Variants in ZNF717 observed in about 807,000 individuals in gnomAD.
ZNF717 encodes krueppel-like factor X17.
ZNF717 carries 9 observed loss-of-function variants against 13.8 expected under a neutral mutation model. The observed-to-expected ratio is 0.65, with a 90% confidence interval of 0.39 to 1.14. The LOEUF is 1.14. Among genes scored for constraint, ZNF717 ranks in the 50% most tolerant of loss-of-function variants. ZNF717 has a pLI of 0.01. For synonymous variants in ZNF717, 327 were observed against 364.1 expected, an observed-to-expected ratio of 0.90 and a Z score of 1.16; for missense variants, 1,040 against 1,080.7, an observed-to-expected ratio of 0.96 and a Z score of 0.53.
intron 2 of ZNF717, among the ~76,000 whole-genome samples, chr3:75,767,901 G>A (rs1186005377): frequency 3.3e-5 from 5 of 149,694 alleles, no homozygotes; most frequent in Non-Finnish European, 7.4e-5. Flanking sequence ...GAAAACAAAA[G>A]GAAAAAAAAT....
At chr3:75,750,414 C>A (rs3009053) in intron 2 of ZNF717, among the ~76,000 whole-genome samples, 110,498 of 148,542 alleles carry the variant, frequency 0.74, 41,181 homozygotes, top group East Asian at 0.81. Context: ...TTTGCCCTCA[C>A]ACAGGATTCC....
rs1282904928 is a variant in ZNF717 at position 75,742,460 on chromosome 3, TAAGAG to T, written c.58-729_58-725del. ...GACACAAGTTCAATGCAGACTAAGATAAGAGAAGGAGAAAATAAGTTTTGTTTATT... is the reference window on the plus strand; with the variant it reads ...GACACAAGTTCAATGCAGACTAAGATAAGGAGAAAATAAGTTTTGTTTATT... On this transcript the variant is annotated intron_variant, in intron 2 of 4. Coordinates refer to ENST00000652011, the MANE Select transcript of ZNF717 (RefSeq NM_001290208.3). 2.7e-3 allele frequency among the ~76,000 whole-genome samples: 413 copies of T among 152,282 alleles called. 8 individuals are homozygous for T. In the East Asian group the frequency reaches 0.07, roughly 26 times the overall value.
intron 4 of ZNF717, among the ~76,000 whole-genome samples, chr3:75,719,970 A>AATAAAT (rs748007104): frequency 1.4e-4 from 20 of 146,136 alleles, no homozygotes; most frequent in South Asian, 6.4e-4. Flanking sequence ...AAATAATAAT[A>AATAAAT]AATAATAATA....
rs1210226423 is a variant in ZNF717 at position 75,730,533 on chromosome 3, T to C, written c.*80A>G. 2.1e-3 allele frequency: 1,465 copies of C among 684,600 alleles called. 24 individuals carry two copies. In the East Asian group the frequency reaches 0.036, roughly 17 times the overall value. 42.4% of individuals were successfully genotyped at this position (684,600 alleles called of 1,614,324 possible). On this transcript the variant is annotated 3_prime_UTR_variant, in exon 6 of 6. Transcript: ENST00000477374. ...AAGTGATACAGACTTGGACACATCATGTTTGAAATATCTGAGGTCCCATAC... is the reference window on the plus strand; with the variant it reads ...AAGTGATACAGACTTGGACACATCACGTTTGAAATATCTGAGGTCCCATAC...
intron 2 of ZNF717, among the ~76,000 whole-genome samples, chr3:75,767,015 C>T (rs80125922): frequency 2.5e-5 from 1 of 39,498 alleles, no homozygotes; most frequent in Non-Finnish European, 9.1e-5. Context: ...GAACCAATTC[C>T]CCTGAACCTT....
At chr3:75,725,391 C>A (rs1242222756), downstream of ZNF717, among the ~76,000 whole-genome samples, 10 of 152,206 alleles carry the variant, frequency 6.6e-5, no homozygotes, top group Non-Finnish European at 1.2e-4. Flanking sequence ...CCACTTTTTC[C>A]CACATCAACC....
At chr3:75,726,711 T>C (rs1938286905), downstream of ZNF717, among the ~76,000 whole-genome samples, 1 of 152,286 alleles carries the variant, frequency 6.6e-6, no homozygotes, top group East Asian at 1.9e-4. Flanking sequence ...GAACTGATTA[T>C]GCAGTGATTC....
chr3:75,742,954 A>G (rs1464955079), intron 2 of ZNF717, among the ~76,000 whole-genome samples: 1 of 152,250 alleles, frequency 6.6e-6, no homozygotes, highest in African/African-American at 2.4e-5. Flanking sequence ...CATGTATATC[A>G]CAATAGTCCC....
intron 2 of ZNF717, among the ~76,000 whole-genome samples, chr3:75,755,523 T>C (rs780844974): frequency 1.3e-5 from 2 of 152,154 alleles, no homozygotes; most frequent in Non-Finnish European, 2.9e-5. Context: ...AGATAGATTA[T>C]GTATGCTTAT....
rs1276111922 is a variant in ZNF717, at chr3:75,723,590, G to A, written n.545-7049C>T. Among the ~76,000 whole-genome samples, 3 of 152,318 alleles carry A rather than the reference G, an allele frequency of 2.0e-5. No homozygotes were observed. The South Asian group carries it at 6.2e-4, about 32-fold the overall frequency. On this transcript the variant is annotated intron_variant and non_coding_transcript_variant, in intron 4 of 5. Transcript: ENST00000491507. ...ATCTCTGTTCTACAACTATAACCTA[G>A]GAAAAACCAGTCCATACAGAGATAG...
chr3:75,741,821 C>T (rs11710621), intron 2 of ZNF717, 85 bp from the exon 3 acceptor site: 568,219 of 1,497,442 alleles, frequency 0.38, 109,138 homozygotes, highest in Non-Finnish European at 0.42. Flanking sequence ...CCTGCCACTC[C>T]TCCCAGGTGA....
intron 2 of ZNF717, among the ~76,000 whole-genome samples, chr3:75,762,236 C>T (rs1943094943): frequency 6.6e-6 from 1 of 152,036 alleles, no homozygotes; most frequent in Admixed American, 6.5e-5. Context: ...GTCACAAGTT[C>T]AAGACTAGTC....
chr3:75,753,278 C>T (rs113012405), intron 2 of ZNF717, among the ~76,000 whole-genome samples: 1 of 85,822 alleles, frequency 1.2e-5, no homozygotes, highest in Admixed American at 1.0e-4. Flanking sequence ...ACATAACATT[C>T]CAGCACACTG....
At chr3:75,734,136 C>G (rs2106945739), downstream of ZNF717, among the ~76,000 whole-genome samples, 1 of 152,212 alleles carries the variant, frequency 6.6e-6, no homozygotes, top group East Asian at 1.9e-4. Flanking sequence ...GTGGCACATT[C>G]TCGGCTCACT....
intron 2 of ZNF717, among the ~76,000 whole-genome samples, chr3:75,760,105 T>C (rs1205209135): frequency 6.6e-6 from 1 of 152,236 alleles, no homozygotes; most frequent in Admixed American, 6.5e-5. Context: ...CTCAGCTCAC[T>C]GCAACCTCCG....
At chr3:75,782,735 T>C (rs1944904476) in intron 2 of ZNF717, among the ~76,000 whole-genome samples, 1 of 152,190 alleles carries the variant, frequency 6.6e-6, no homozygotes, top group South Asian at 2.1e-4. Flanking sequence ...CCATTTCCAC[T>C]GCACAACATG....
chr3:75,783,266 TAC>T (rs1944941024), intron 2 of ZNF717, 38 bp downstream of exon 2: 1 of 1,471,570 alleles, frequency 6.8e-7, no homozygotes, highest in Non-Finnish European at 9.3e-7. Context: ...ACTCAGAAAA[TAC>T]AGTGTAAAAC....
downstream of ZNF717, among the ~76,000 whole-genome samples, chr3:75,734,715 A>G (rs1306862515): frequency 2.8e-5 from 4 of 144,098 alleles, no homozygotes; most frequent in Non-Finnish European, 4.6e-5. Flanking sequence ...GATTACAGGC[A>G]TAAGCCACCG....
chr3:75,747,616 G>A (rs1216055748), intron 2 of ZNF717, among the ~76,000 whole-genome samples: 1 of 152,028 alleles, frequency 6.6e-6, no homozygotes, highest in Non-Finnish European at 1.5e-5. Flanking sequence ...TATTCTCTTT[G>A]AAGCAAATTT....
Sources: allele counts gnomAD v4.1 joint callset (sites outside exome capture counted in the v4.1 genomes callset), GRCh38; gene constraint gnomAD v4.1.1; transcripts MANE v1.5; gene names NCBI Gene and HGNC (gene_info 2026-07-23, HGNC 2026-07-21).